IFT80: variants seen among roughly 807,000 people sequenced by gnomAD.
IFT80 encodes the protein intraflagellar transport protein 80 homolog.
In IFT80, 79 loss-of-function variants were observed where a neutral mutation model predicts 107.9. That is an observed-to-expected ratio of 0.73 (90% CI 0.61 to 0.88). The LOEUF (loss-of-function observed/expected upper bound fraction) is 0.88. Ranked by LOEUF, IFT80 falls within the 40% of genes least tolerant of loss-of-function variation. The probability of loss-of-function intolerance (pLI) is 0.00; values close to 1 mark genes in which losing one functional copy is unlikely to be tolerated. For missense variants in IFT80, 797 were observed against 914.2 expected (o/e 0.87, Z 1.65); for synonymous variants, 299 against 300.9 (o/e 0.99, Z 0.07).
chr3:160,295,598 C>CAA (rs112977255), intron 12 of IFT80, among the ~76,000 whole-genome samples: 1 of 142,668 alleles, frequency 7.0e-6, no homozygotes, highest in African/African-American at 2.6e-5. Context: ...GACCCCATCT[C>CAA]AAAAAAAAAA....
At position 160,279,460 on chromosome 3, in the gene IFT80, C is replaced by T. The variant is rs897835116; in HGVS notation, c.1665-96G>A. The T allele has an allele frequency of 5.4e-5, 51 of 951,854 alleles. No homozygotes were observed. The East Asian group carries it at 7.8e-4, about 14-fold the overall frequency. 59.0% of individuals were successfully genotyped at this position (951,854 alleles called of 1,614,324 possible). ...TGGGGAGTGGACCGTGAAATACACA[C>T]GGAGTCTCCAATCTCCAAAAGGCAC... On this transcript the variant is annotated intron_variant, in intron 15 of 19. Coordinates refer to ENST00000326448, the MANE Select transcript of IFT80 (RefSeq NM_020800.3).
intron 8 of IFT80, among the ~76,000 whole-genome samples, chr3:160,328,498 G>A (rs952147093): frequency 1.4e-5 from 2 of 147,348 alleles, no homozygotes; most frequent in Middle Eastern, 3.5e-3. Flanking sequence ...AAAAAATAAC[G>A]GATGCTGGCG....
intron 3 of IFT80, among the ~76,000 whole-genome samples, chr3:160,381,220 G>C (rs1402820294): frequency 1.9e-5 from 2 of 102,714 alleles, no homozygotes; most frequent in Non-Finnish European, 4.6e-5. Flanking sequence ...CTGGGCAACA[G>C]AGTGAGACCC....
chr3:160,322,034 ATTTAT>A (rs1449301929), intron 8 of IFT80, among the ~76,000 whole-genome samples: 5 of 145,726 alleles, frequency 3.4e-5, no homozygotes, highest in South Asian at 2.2e-4. Context: ...TTATTTATTT[ATTTAT>A]TTATTATTAT....
chr3:160,311,838 G>C (rs116700482), intron 9 of IFT80, among the ~76,000 whole-genome samples: 1 of 152,238 alleles, frequency 6.6e-6, no homozygotes, highest in African/African-American at 2.4e-5. Flanking sequence ...GTGCAATGGC[G>C]TGATATGCGG....
At chr3:160,276,449 A>T (rs1714274072) in intron 18 of IFT80, among the ~76,000 whole-genome samples, 1 of 152,184 alleles carries the variant, frequency 6.6e-6, no homozygotes, top group African/African-American at 2.4e-5. Flanking sequence ...TGACAGATAC[A>T]GGGGTTATTT....
At chr3:160,302,233 C>A (rs1716483913) in intron 11 of IFT80, among the ~76,000 whole-genome samples, 1 of 151,878 alleles carries the variant, frequency 6.6e-6, no homozygotes, top group East Asian at 1.9e-4. Flanking sequence ...GGAAACAAAA[C>A]AGAAATAAAT....
chr3:160,279,179 A>G lies in IFT80; in HGVS notation c.1836+14T>C, dbSNP rs778749946. ...GAAATATATATACAACTATGAATCT[A>G]AAATGTAAATTACCTTAACAAAGCG... On this transcript the variant is annotated intron_variant, in intron 16 of 19. Transcript: ENST00000326448. The G allele has an allele frequency of 6.2e-7, 1 of 1,604,734 alleles. No individual in the cohort carries two copies. The highest frequency in any genetic ancestry group is 8.5e-7 in the Non-Finnish European group (1 of 1,171,694).
chr3:160,272,778 C>T (rs1344329213), intron 18 of IFT80, among the ~76,000 whole-genome samples: 4 of 152,104 alleles, frequency 2.6e-5, no homozygotes, highest in South Asian at 2.1e-4. Context: ...CCCTACTGGG[C>T]CTTATGAACT....
rs1280568970 is a variant in IFT80, at chr3:160,283,824, AGGG to A, written c.1381-1214_1381-1212del. On this transcript the variant is annotated intron_variant, in intron 13 of 19. Coordinates refer to ENST00000326448, the MANE Select transcript of IFT80 (RefSeq NM_020800.3). ...GAGGGGCTCCCCCACTTCATTCAGCAGGGCTTCCCCCATTTTCCTCTTGTCAAG... is the reference window on the plus strand; with the variant it reads ...GAGGGGCTCCCCCACTTCATTCAGCACTTCCCCCATTTTCCTCTTGTCAAG... 2.0e-5 allele frequency among the ~76,000 whole-genome samples: 3 copies of A among 152,204 alleles called. No homozygotes were observed. The East Asian group carries it at 5.8e-4, about 29-fold the overall frequency.
intron 6 of IFT80, among the ~76,000 whole-genome samples, chr3:160,359,694 G>A (rs1293712368): frequency 1.8e-4 from 27 of 152,172 alleles, no homozygotes; most frequent in Admixed American, 1.8e-3. Context: ...AGCCTCTGCT[G>A]GTGATACCCA....
intron 5 of IFT80, among the ~76,000 whole-genome samples, chr3:160,366,599 G>A (rs1721882806): frequency 6.6e-6 from 1 of 152,056 alleles, no homozygotes; most frequent in Admixed American, 6.6e-5. Context: ...TTCAACAAAT[G>A]ATGTTGGTTT....
At chr3:160,315,936 A>G (rs922399481) in intron 9 of IFT80, among the ~76,000 whole-genome samples, 1 of 152,168 alleles carries the variant, frequency 6.6e-6, no homozygotes, top group African/African-American at 2.4e-5. Flanking sequence ...TTGAATATGT[A>G]TCCATATATA....
rs572968636 is a variant in IFT80, at chr3:160,286,902, T to C, written c.1316-1034A>G. Among the ~76,000 whole-genome samples, 19 of 152,242 alleles carry C rather than the reference T, an allele frequency of 1.2e-4. No individual in the cohort carries two copies. In the South Asian group the frequency reaches 3.5e-3, roughly 28 times the overall value. The stretch of plus-strand genomic sequence containing the variant: ...CTGAGTGATTAGAGTATCTTTATTA[T>C]TGCTAGTGAGGAGACTCTTGGTGGG... On this transcript the variant is annotated intron_variant, in intron 12 of 19. Coordinates refer to ENST00000326448, the MANE Select transcript of IFT80 (RefSeq NM_020800.3).
intron 18 of IFT80, among the ~76,000 whole-genome samples, chr3:160,274,868 C>T (rs918512382): frequency 6.6e-6 from 1 of 152,132 alleles, no homozygotes; most frequent in Non-Finnish European, 1.5e-5. Flanking sequence ...TGCAGTGAGC[C>T]GAGATCGTGC....
intron 10 of IFT80, among the ~76,000 whole-genome samples, chr3:160,306,685 T>C (rs1716851900): frequency 6.6e-6 from 1 of 152,204 alleles, no homozygotes. Context: ...TTGTCCCAAA[T>C]TGCAGATTCT....
intron 8 of IFT80, among the ~76,000 whole-genome samples, chr3:160,346,494 G>A (rs1024733934): frequency 2.0e-5 from 3 of 152,180 alleles, no homozygotes; most frequent in African/African-American, 4.8e-5. Flanking sequence ...TGAATGGGCC[G>A]TAATTTCCTG....
At chr3:160,352,542 G>A (rs78617480) in intron 8 of IFT80, among the ~76,000 whole-genome samples, 4 of 152,238 alleles carry the variant, frequency 2.6e-5, no homozygotes, top group Admixed American at 6.5e-5. Context: ...TCTGAGGACA[G>A]CCTGCATAAA....
chr3:160,258,612 G>A lies in IFT80; in HGVS notation c.2247C>T (p.Ile749=), dbSNP rs1487871560. 1.2e-6 allele frequency: 2 copies of A among 1,611,868 alleles called. No individual in the cohort carries two copies. Among genetic ancestry groups the A allele is most frequent in the South Asian group, 2.2e-5 (2 of 91,028 alleles). The change falls in exon 20 of 20, where the codon ATC becomes ATT. Residue 749 remains isoleucine, a synonymous_variant. Coordinates refer to ENST00000326448, the MANE Select transcript of IFT80 (RefSeq NM_020800.3). ...AEGLQIDWEK[I]KAKIEMEITK... is the part of the protein sequence containing the mutation. ...TAATTTCCATCTCAATTTTGGCTTT[G>A]ATTTTCTCCCAATCTATTTGGAGCT...
Sources: gnomAD v4.1 joint callset for allele counts (sites outside exome capture counted in the v4.1 genomes callset) on GRCh38, gnomAD v4.1.1 for gene constraint, MANE v1.5 for transcripts, NCBI Gene and HGNC (gene_info 2026-07-23, HGNC 2026-07-21) for gene names.